The following KIF18A variants were observed in gnomAD, a reference collection of about 807,000 sequenced individuals.
The protein encoded by KIF18A is kinesin family member 18A.
A neutral mutation model predicts 103.3 loss-of-function variants in KIF18A; 67 were observed. The ratio of observed to expected loss-of-function variants is 0.65; its 90% confidence interval spans 0.53 to 0.79. The LOEUF is 0.79. KIF18A is among the 30% of genes least tolerant of loss of function. The pLI is 0.00. For missense variants in KIF18A, 1,032 were observed against 1,062.5 expected, an observed-to-expected ratio of 0.97 and a Z score of 0.40; for synonymous variants, 367 against 355.5, an observed-to-expected ratio of 1.03 and a Z score of -0.36.
chr11:28,040,846 G>A (rs1850550230), intron 13 of KIF18A, among the ~76,000 whole-genome samples: 1 of 151,720 alleles, frequency 6.6e-6, no homozygotes, highest in Non-Finnish European at 1.5e-5. Context: ...TCAACATATT[G>A]TAAGTGTGCT....
rs1565066080 is a variant in KIF18A at position 28,021,179 on chromosome 11, T to G, written c.*21A>C. ...GAAAAGCAGATTTGATCAACTTCAT[T>G]TTGCTTGGTTTTGAAGTGATTTATC... On this transcript the variant is annotated 3_prime_UTR_variant, in exon 17 of 17. Coordinates refer to ENST00000263181, the MANE Select transcript of KIF18A (RefSeq NM_031217.4). The G allele has an allele frequency of 6.8e-7, 1 of 1,476,468 alleles. No homozygotes were observed. Among genetic ancestry groups the G allele is most frequent in the East Asian group, 2.6e-5 (1 of 38,562 alleles). The allele number at this position is 1,476,468 out of a possible 1,614,324, so 91.5% of individuals were successfully genotyped here.
chr11:28,101,987 C>A (rs970815487), intron 1 of KIF18A, among the ~76,000 whole-genome samples: 1 of 152,094 alleles, frequency 6.6e-6, no homozygotes, highest in African/African-American at 2.4e-5. Flanking sequence ...TTTCAATTGA[C>A]TCTGGCATAA....
In KIF18A at chr11:28,020,997, C is replaced by T. The variant is rs548485193; in HGVS notation, c.*203G>A. On this transcript the variant is annotated 3_prime_UTR_variant, in exon 17 of 17. Transcript: ENST00000263181. ...AATATTTAAAAAACTTAAAAGACAA[C>T]CTTTTCTTTTGAAATTTTATTTTTT... is the stretch of plus-strand genomic sequence containing the variant. 5.1e-6 allele frequency: 2 copies of T among 388,954 alleles called. No individual in the cohort carries two copies. Among genetic ancestry groups the T allele is most frequent in the African/African-American group, 4.2e-5 (2 of 47,744 alleles). 24.1% of individuals were successfully genotyped at this position (388,954 alleles called of 1,614,324 possible). A position where few individuals can be genotyped will look rare whatever the true frequency, so the allele number is the denominator to read the frequency against.
intron 6 of KIF18A, among the ~76,000 whole-genome samples, chr11:28,085,898 T>C (rs1027578850): frequency 2.0e-5 from 3 of 152,204 alleles, no homozygotes; most frequent in Non-Finnish European, 2.9e-5. Flanking sequence ...TCCAGACTTA[T>C]AATTGGTGAT....
intron 2 of KIF18A, among the ~76,000 whole-genome samples, chr11:28,097,083 C>T (rs867168381): frequency 7.2e-5 from 11 of 151,936 alleles, no homozygotes; most frequent in Admixed American, 6.6e-5. Context: ...TTGCATGCTG[C>T]GGGGTTTAGT....
chr11:28,024,873 G>A (rs1044042427), intron 15 of KIF18A, among the ~76,000 whole-genome samples: 12 of 152,022 alleles, frequency 7.9e-5, no homozygotes, highest in Admixed American at 2.6e-4. Context: ...TTATCGACGG[G>A]GGGGATATCT....
chr11:28,055,207 G>A (rs1404927787), intron 13 of KIF18A, among the ~76,000 whole-genome samples: 3 of 151,986 alleles, frequency 2.0e-5, no homozygotes, highest in Admixed American at 6.6e-5. Flanking sequence ...TCCAACTTCC[G>A]TATTTTCTTA....
chr11:28,082,574 T>C (rs1394197695), intron 9 of KIF18A, among the ~76,000 whole-genome samples: 1 of 152,190 alleles, frequency 6.6e-6, no homozygotes, highest in Non-Finnish European at 1.5e-5. Context: ...GACTATAGTG[T>C]AGTGTAAACA....
At chr11:28,044,047 CAGG>C (rs1342191206) in intron 13 of KIF18A, among the ~76,000 whole-genome samples, 1 of 151,786 alleles carries the variant, frequency 6.6e-6, no homozygotes, top group Non-Finnish European at 1.5e-5. Flanking sequence ...GGAGTTAAAA[CAGG>C]AGAATTCTTG....
chr11:28,062,502 ATC>A lies in KIF18A; in HGVS notation c.1603_1604del (p.Asp535SerfsTer18). ...NGHIPKELKK[D>X]LHCHHLHLQN... ...GGAGGTGCAAATGGTGACAATGAAG[ATC>A]TTTCTTGAGTTCCTAGGGCAAACAA... On this transcript the variant is annotated frameshift_variant, in exon 12 of 17. Transcript: ENST00000263181. LOFTEE classifies it high-confidence loss of function. 6.2e-7 allele frequency: 1 copy of A among 1,610,836 alleles called. No individual in the cohort carries two copies. The highest frequency in any genetic ancestry group is 8.5e-7 in the Non-Finnish European group (1 of 1,178,116).
chr11:28,071,740 T>G (rs1388454281), intron 10 of KIF18A, among the ~76,000 whole-genome samples: 1 of 152,148 alleles, frequency 6.6e-6, no homozygotes, highest in Non-Finnish European at 1.5e-5. Flanking sequence ...TGTGACCTAT[T>G]GACTTTTCTC....
intron 9 of KIF18A, among the ~76,000 whole-genome samples, chr11:28,081,852 T>G (rs1304922505): frequency 6.6e-6 from 1 of 152,160 alleles, no homozygotes; most frequent in East Asian, 1.9e-4. Flanking sequence ...CCATTGTAGA[T>G]GCCATTAAGA....
intron 8 of KIF18A, 23 bp from the exon 9 acceptor site, chr11:28,082,991 T>C: frequency 6.6e-7 from 1 of 1,504,152 alleles, no homozygotes; most frequent in Admixed American, 2.0e-5. Flanking sequence ...AATCACTAGT[T>C]AAAATACAAA....
At position 28,040,613 on chromosome 11, in the gene KIF18A, A is replaced by G. The variant is rs547400021; in HGVS notation, c.1949-3949T>C. ...TACCCTAGCAACGTGGGTGCTACACAGAAGGGAACAGGAAATTAAAAATGC... is the reference window on the plus strand; with the variant it reads ...TACCCTAGCAACGTGGGTGCTACACGGAAGGGAACAGGAAATTAAAAATGC... On this transcript the variant is annotated intron_variant, in intron 13 of 16. Coordinates refer to ENST00000263181, the MANE Select transcript of KIF18A (RefSeq NM_031217.4). Among the ~76,000 whole-genome samples, 37 of 151,842 alleles carry G rather than the reference A, an allele frequency of 2.4e-4. No individual in the cohort carries two copies. In the South Asian group the frequency reaches 7.7e-3, roughly 31 times the overall value.
rs553362479 is a variant in KIF18A, at chr11:28,051,101, C to A, written c.1948+7825G>T. 1.8e-4 allele frequency among the ~76,000 whole-genome samples: 27 copies of A among 151,472 alleles called. No individual in the cohort carries two copies. The South Asian group carries it at 4.6e-3, about 26-fold the overall frequency. ...AGGAACATACAAAAAGATATGCATACAGGGAGACAAACTATTCTAGAGTAC... is the reference window on the plus strand; with the variant it reads ...AGGAACATACAAAAAGATATGCATAAAGGGAGACAAACTATTCTAGAGTAC... On this transcript the variant is annotated intron_variant, in intron 13 of 16. Transcript: ENST00000263181.
At chr11:28,085,807 C>T (rs889464794) in intron 6 of KIF18A, among the ~76,000 whole-genome samples, 1 of 152,102 alleles carries the variant, frequency 6.6e-6, no homozygotes, top group Non-Finnish European at 1.5e-5. Flanking sequence ...CTCGTCTCCG[C>T]ACACGGGGAG....
intron 5 of KIF18A, among the ~76,000 whole-genome samples, chr11:28,089,075 A>C (rs1170513431): frequency 6.6e-6 from 1 of 152,156 alleles, no homozygotes; most frequent in Non-Finnish European, 1.5e-5. Context: ...GAAAAAACCA[A>C]AGCTACTCGT....
chr11:28,084,324 C>T (rs1452225039), intron 7 of KIF18A: 1 of 152,838 alleles, frequency 6.5e-6, no homozygotes, highest in Non-Finnish European at 1.5e-5. Context: ...TGAGTGATTA[C>T]TCCAAGATGC....
At position 28,097,793 on chromosome 11, in the gene KIF18A, C is replaced by T. The variant is rs1851394150; in HGVS notation, c.155G>A (p.Ser52Asn). The T allele has an allele frequency of 6.2e-7, 1 of 1,613,192 alleles. No homozygotes were observed. The change falls in exon 2 of 17, where the codon AGT becomes AAT. Residue 52 changes from serine (S) to asparagine (N), a missense_variant. Physicochemically the swap from Ser to Asn is conservative, Grantham distance 46. Coordinates refer to ENST00000263181, the MANE Select transcript of KIF18A (RefSeq NM_031217.4). ...LVFDPKQEEV[S>N]FFHGKKTTNQ... is the part of the protein sequence containing the mutation. ...TGTAGTTTTCTTTCCATGGAAAAAA[C>T]TGACTTCTTCTTGTTTGGGATCAAA... is the stretch of plus-strand genomic sequence containing the variant.
Sources: allele counts gnomAD v4.1 joint callset (sites outside exome capture counted in the v4.1 genomes callset), GRCh38; gene constraint gnomAD v4.1.1; transcripts MANE v1.5; gene names NCBI Gene and HGNC (gene_info 2026-07-23, HGNC 2026-07-21).